The following GSN variants were observed in gnomAD, a reference collection of about 807,000 sequenced individuals.
GSN encodes gelsolin, also known as actin-depolymerizing factor.
In GSN, 56 loss-of-function variants were observed where a neutral mutation model predicts 85.7. The observed-to-expected ratio is 0.65, with a 90% CI of 0.53 to 0.82. The LOEUF (loss-of-function observed/expected upper bound fraction) is 0.82. Ranked by LOEUF, GSN falls within the 40% of genes least tolerant of loss-of-function variation. The pLI is 0.00. For missense variants in GSN, 857 were observed against 979.8 expected, an observed-to-expected ratio of 0.87 and a Z score of 1.67; for synonymous variants, 373 against 399.1, an observed-to-expected ratio of 0.93 and a Z score of 0.78.
rs138848593 is a variant in GSN at position 121,313,715 on chromosome 9, TCTC to T, written c.664-216_664-214del. 1.2e-3 allele frequency: 733 copies of T among 605,794 alleles called. 2 individuals are homozygous for T. Among genetic ancestry groups the T allele is most frequent in the African/African-American group, 0.012 (652 of 54,594 alleles). 37.5% of individuals were successfully genotyped at this position (605,794 alleles called of 1,614,324 possible). On this transcript the variant is annotated intron_variant, in intron 6 of 17. Coordinates refer to ENST00000432226, the MANE Select transcript of GSN (RefSeq NM_198252.3). The stretch of plus-strand genomic sequence containing the variant: ...TCTGGAGGCAGAGGAGCAGGAGTGT[TCTC>T]CTGGAGTTTCTGAGTCAGGGAGACA...
intron 2 of GSN, chr9:121,282,400 A>T (rs903439481): frequency 5.2e-6 from 5 of 969,078 alleles, no homozygotes; most frequent in African/African-American, 1.7e-5. Context: ...ACCCAGGAAA[A>T]CACCCCTCCA....
chr9:121,204,651 T>C (rs142566210), upstream of GSN, among the ~76,000 whole-genome samples: 19 of 152,304 alleles, frequency 1.2e-4, no homozygotes, highest in East Asian at 3.7e-3. Context: ...GTTGTTTCTA[T>C]AAGAAGAGAT....
chr9:121,327,758 G>C (rs1468806112), intron 14 of GSN, among the ~76,000 whole-genome samples: 1 of 152,194 alleles, frequency 6.6e-6, no homozygotes, highest in Non-Finnish European at 1.5e-5. Flanking sequence ...CGGATCACCT[G>C]AGGTCGGGAG....
chr9:121,321,677 G>T (rs1038998315), intron 11 of GSN, among the ~76,000 whole-genome samples: 1 of 151,798 alleles, frequency 6.6e-6, no homozygotes, highest in Non-Finnish European at 1.5e-5. Context: ...GGCACACTAG[G>T]GTTTATCCTC....
intron 6 of GSN, among the ~76,000 whole-genome samples, chr9:121,252,090 G>C (rs1010917001): frequency 2.2e-4 from 34 of 152,188 alleles, no homozygotes; most frequent in African/African-American, 8.2e-4. Context: ...AAAATGCCAG[G>C]AAGTCAGTCC....
intron 4 of GSN, among the ~76,000 whole-genome samples, chr9:121,228,057 G>A (rs1054774805): frequency 1.6e-4 from 25 of 152,204 alleles, no homozygotes; most frequent in African/African-American, 5.8e-4. Flanking sequence ...ACACCCAGCC[G>A]CAAGTTCTTG....
At chr9:121,279,509 G>A (rs982037368) in intron 1 of GSN, among the ~76,000 whole-genome samples, 1 of 152,088 alleles carries the variant, frequency 6.6e-6, no homozygotes, top group African/African-American at 2.4e-5. Flanking sequence ...GATGCAGTCA[G>A]GGGTTGAACT....
intron 3 of GSN, 125 bp downstream of exon 3, chr9:121,302,292 T>A (rs763924001): frequency 2.6e-5 from 29 of 1,104,248 alleles, no homozygotes; most frequent in Non-Finnish European, 3.9e-5. Context: ...CCTTGACTGG[T>A]GGTTCATGCC....
chr9:121,322,822 T>C (rs2062645786), intron 11 of GSN, among the ~76,000 whole-genome samples: 1 of 140,310 alleles, frequency 7.1e-6, no homozygotes, highest in African/African-American at 2.6e-5. Context: ...TGTCTGATTA[T>C]TGACTGTTGG....
chr9:121,278,228 G>A (rs1012592771), intron 1 of GSN, among the ~76,000 whole-genome samples: 1 of 152,146 alleles, frequency 6.6e-6, no homozygotes, highest in Admixed American at 6.6e-5. Context: ...ACAAAATGAG[G>A]ACAAAGATTG....
intron 6 of GSN, among the ~76,000 whole-genome samples, chr9:121,252,293 A>C (rs1243862023): frequency 6.6e-6 from 1 of 152,198 alleles, no homozygotes; most frequent in Non-Finnish European, 1.5e-5. Flanking sequence ...GCGTGAGCTA[A>C]GATATGGGGG....
intron 2 of GSN, among the ~76,000 whole-genome samples, chr9:121,296,434 G>A (rs1360491372): frequency 2.6e-5 from 4 of 152,170 alleles, no homozygotes; most frequent in East Asian, 1.9e-4. Flanking sequence ...TGACCTGGCC[G>A]AATGTACCCA....
At chr9:121,226,020 G>A (rs2054266725) in intron 4 of GSN, among the ~76,000 whole-genome samples, 1 of 152,158 alleles carries the variant, frequency 6.6e-6, no homozygotes, top group Non-Finnish European at 1.5e-5. Context: ...GGCCAGGCTG[G>A]TCTCGAACTC....
At chr9:121,298,383 T>G (rs1343954881) in intron 2 of GSN, among the ~76,000 whole-genome samples, 3 of 152,182 alleles carry the variant, frequency 2.0e-5, no homozygotes, top group Admixed American at 2.0e-4. Flanking sequence ...CAGCCTGAAT[T>G]GTCTTCTCTG....
chr9:121,210,737 G>A (rs1051985474), intron 3 of GSN: 8 of 152,320 alleles, frequency 5.3e-5, no homozygotes, highest in Middle Eastern at 3.4e-3. Flanking sequence ...TGCATTGGAA[G>A]GGATAAGAAC....
intron 4 of GSN, among the ~76,000 whole-genome samples, chr9:121,217,637 A>G (rs2054090072): frequency 6.6e-6 from 1 of 151,968 alleles, no homozygotes; most frequent in Non-Finnish European, 1.5e-5. Flanking sequence ...TACCTCATTA[A>G]AGACCCTGTC....
At chr9:121,215,125 T>C (rs538562472) in intron 4 of GSN, among the ~76,000 whole-genome samples, 10 of 152,116 alleles carry the variant, frequency 6.6e-5, no homozygotes, top group Non-Finnish European at 1.5e-4. Flanking sequence ...CACTCCAGGC[T>C]GTACCTGTCA....
intron 2 of GSN, among the ~76,000 whole-genome samples, chr9:121,294,687 C>T (rs1265200714): frequency 6.6e-6 from 1 of 152,210 alleles, no homozygotes; most frequent in African/African-American, 2.4e-5. Context: ...CCAGCCAGCC[C>T]CGATGGGGAG....
At chr9:121,325,858 C>T (rs971352324) in intron 12 of GSN, among the ~76,000 whole-genome samples, 1 of 152,052 alleles carries the variant, frequency 6.6e-6, no homozygotes, top group Non-Finnish European at 1.5e-5. Flanking sequence ...CAAGTTCTCA[C>T]CATCAGGGTG....
Sources: allele counts gnomAD v4.1 joint callset (sites outside exome capture counted in the v4.1 genomes callset), GRCh38; gene constraint gnomAD v4.1.1; transcripts MANE v1.5; gene names NCBI Gene and HGNC (gene_info 2026-07-23, HGNC 2026-07-21).